SIK2: variants seen among roughly 807,000 people sequenced by gnomAD.
SIK2 encodes salt inducible kinase 2.
In SIK2, 29 loss-of-function variants were observed where a neutral mutation model predicts 103.2. The ratio of observed to expected loss-of-function variants is 0.28; its 90% confidence interval spans 0.21 to 0.38. The LOEUF (loss-of-function observed/expected upper bound fraction) is 0.38, where lower values mean the gene tolerates loss of function less well. Among genes scored for constraint, SIK2 ranks in the 10% least tolerant of loss-of-function variants. The pLI, the probability that SIK2 is intolerant of heterozygous loss-of-function variation, is 1.00. For synonymous variants in SIK2, 412 were observed against 446.1 expected (o/e 0.92, Z 0.96); for missense variants, 879 against 1,171.0 (o/e 0.75, Z 3.64).
intron 1 of SIK2, among the ~76,000 whole-genome samples, chr11:111,604,957 ATTTTT>A (rs11412519): frequency 7.5e-6 from 1 of 133,922 alleles, no homozygotes; most frequent in Non-Finnish European, 1.6e-5. Flanking sequence ...GTTGCTCTGA[ATTTTT>A]TTTTTTTTTT....
At chr11:111,608,089 C>T (rs1941672039) in intron 1 of SIK2, among the ~76,000 whole-genome samples, 1 of 152,106 alleles carries the variant, frequency 6.6e-6, no homozygotes, top group Non-Finnish European at 1.5e-5. Context: ...TACCTAGTAC[C>T]TCTTCTACCT....
At chr11:111,649,333 A>G (rs1034194579) in intron 3 of SIK2, among the ~76,000 whole-genome samples, 2 of 152,174 alleles carry the variant, frequency 1.3e-5, no homozygotes, top group African/African-American at 2.4e-5. Context: ...CTGTAAATAC[A>G]TGATAAATTA....
At position 111,602,759 on chromosome 11, in the gene SIK2, C is replaced by G; in HGVS notation, c.135+61C>G. The G allele has an allele frequency of 7.0e-7, 1 of 1,424,100 alleles. No individual in the cohort carries two copies. Among genetic ancestry groups the G allele is most frequent in the Non-Finnish European group, 9.2e-7 (1 of 1,090,252 alleles). The allele number at this position is 1,424,100 out of a possible 1,614,324, so 88.2% of individuals were successfully genotyped here. On this transcript the variant is annotated intron_variant, in intron 1 of 14. Transcript: ENST00000304987. The surrounding 1 kb of genome is among the most constrained non-coding windows in gnomAD (Gnocchi z 4.5). ...AGGGTTCGGGAGAGGAGCTGCTTAC[C>G]GAGAGGGGCGGCCGCAGTGGTGGGA...
intron 3 of SIK2, among the ~76,000 whole-genome samples, chr11:111,675,710 A>T (rs1942694445): frequency 6.6e-6 from 1 of 152,212 alleles, no homozygotes; most frequent in Non-Finnish European, 1.5e-5. Flanking sequence ...AGCACAGCTT[A>T]ATCTGTATTC....
intron 1 of SIK2, among the ~76,000 whole-genome samples, chr11:111,604,981 G>A (rs892143993): frequency 6.9e-6 from 1 of 145,018 alleles, no homozygotes; most frequent in African/African-American, 2.6e-5. Flanking sequence ...TTTTTGAGAC[G>A]GAGCCTCGCT....
Position 111,675,699 on chromosome 11 carries a change from T to C in SIK2, c.317-12302T>C, listed in dbSNP as rs116883221. On this transcript the variant is annotated intron_variant, in intron 3 of 14. Transcript: ENST00000304987. The stretch of plus-strand genomic sequence containing the variant: ...GCTTCATTGAAAAATTGTTCCTGCT[T>C]AGCACAGCTTAATCTGTATTCTTGG... Among the ~76,000 whole-genome samples the C allele has an allele frequency of 8.2e-3, 1,252 of 152,368 alleles. 11 individuals carry two copies. The highest frequency in any genetic ancestry group is 0.065 in the Middle Eastern group (19 of 294).
chr11:111,626,701 C>T (rs1295019810), intron 3 of SIK2, among the ~76,000 whole-genome samples: 1 of 75,092 alleles, frequency 1.3e-5, no homozygotes, highest in African/African-American at 4.2e-5. Context: ...TAGTAATGAC[C>T]ATTAACTACA....
chr11:111,713,931 C>A (rs1353935172), intron 9 of SIK2, among the ~76,000 whole-genome samples: 1 of 152,092 alleles, frequency 6.6e-6, no homozygotes, highest in Non-Finnish European at 1.5e-5. Flanking sequence ...CGTGCCATTG[C>A]ATGCCAGCCC....
rs147891354 is a variant in SIK2, at chr11:111,620,013, C to T, written c.253-326C>T. ...CTAGTACTTCTCAAACTTTAATGTA[C>T]ATAAAAATCACTTGGCAGTTTTGTT... is the stretch of plus-strand genomic sequence containing the variant. On this transcript the variant is annotated intron_variant, in intron 2 of 14. Coordinates refer to ENST00000304987, the MANE Select transcript of SIK2 (RefSeq NM_015191.3). Among the ~76,000 whole-genome samples the T allele has an allele frequency of 8.5e-5, 13 of 152,284 alleles. No homozygotes were observed. In the East Asian group the frequency reaches 2.5e-3, roughly 29 times the overall value.
chr11:111,730,779 T>C lies in SIK2; in HGVS notation c.*6650T>C, dbSNP rs1202238568. 3 of 152,322 alleles carry C rather than the reference T, an allele frequency of 2.0e-5. No homozygotes were observed. The highest frequency in any genetic ancestry group is 7.2e-5 in the African/African-American group (3 of 41,558). 9.4% of individuals were successfully genotyped at this position (152,322 alleles called of 1,614,324 possible). On this transcript the variant is annotated 3_prime_UTR_variant, in exon 15 of 15. Coordinates refer to ENST00000304987, the MANE Select transcript of SIK2 (RefSeq NM_015191.3). ...CCAAATAGTAATTTAAATGGGGTAA[T>C]TTTCTGCAAGGAAAATGTACTGTTT... is the stretch of plus-strand genomic sequence containing the variant.
At chr11:111,659,089 G>A (rs1416726196) in intron 3 of SIK2, among the ~76,000 whole-genome samples, 1 of 152,124 alleles carries the variant, frequency 6.6e-6, no homozygotes, top group Non-Finnish European at 1.5e-5. Flanking sequence ...TGGCCAGTTT[G>A]TGTGATACTG....
intron 3 of SIK2, among the ~76,000 whole-genome samples, chr11:111,644,792 T>C (rs1218684936): frequency 6.6e-6 from 1 of 152,244 alleles, no homozygotes; most frequent in Admixed American, 6.5e-5. Flanking sequence ...TGGAATCTCA[T>C]ATATAAGTTA....
intron 4 of SIK2, among the ~76,000 whole-genome samples, chr11:111,693,082 C>T (rs1361654761): frequency 6.6e-6 from 1 of 152,068 alleles, no homozygotes; most frequent in African/African-American, 2.4e-5. Flanking sequence ...GCCTGTAATC[C>T]CAGCACTTTG....
At chr11:111,638,654 T>C (rs1942141652) in intron 3 of SIK2, among the ~76,000 whole-genome samples, 1 of 152,110 alleles carries the variant, frequency 6.6e-6, no homozygotes, top group Non-Finnish European at 1.5e-5. Flanking sequence ...TGTGATATAG[T>C]CTCTTATCTC....
rs781242994 is a variant in SIK2, at chr11:111,723,869, C to G, written c.2521C>G (p.Pro841Ala). The stretch of plus-strand genomic sequence containing the variant: ...ACGACAGCCAGGAGCTGCCCCAGCC[C>G]CCTTACAGTTCTCCTATCAGACTTG... ...PPRQPGAAPA[P>A]LQFSYQTCEL... The change falls in exon 15 of 15, where the codon CCC becomes GCC. Residue 841 changes from proline to alanine, a missense_variant. Coordinates refer to ENST00000304987, the MANE Select transcript of SIK2 (RefSeq NM_015191.3). 5.0e-6 allele frequency: 8 copies of G among 1,613,658 alleles called. No individual in the cohort carries two copies. The South Asian group carries it at 5.5e-5, about 11-fold the overall frequency.
intron 4 of SIK2, among the ~76,000 whole-genome samples, chr11:111,692,248 G>A (rs1245237715): frequency 6.7e-6 from 1 of 150,100 alleles, no homozygotes; most frequent in African/African-American, 2.4e-5. Flanking sequence ...CTACTCCGGA[G>A]GCTGAGGCAG....
chr11:111,701,065 G>A lies in SIK2; in HGVS notation c.603+55G>A, dbSNP rs1230594521. 1 of 1,572,414 alleles carries A rather than the reference G, an allele frequency of 6.4e-7. No individual in the cohort carries two copies. The highest frequency in any genetic ancestry group is 8.6e-7 in the Non-Finnish European group (1 of 1,156,140). ...TGCATCTATACTGATAATACTTGGTGTTCTGGCCCATCTTAGAAGCTCCTG... is the reference window on the plus strand; with the variant it reads ...TGCATCTATACTGATAATACTTGGTATTCTGGCCCATCTTAGAAGCTCCTG... On this transcript the variant is annotated intron_variant, in intron 5 of 14. Coordinates refer to ENST00000304987, the MANE Select transcript of SIK2 (RefSeq NM_015191.3). The surrounding 1 kb of genome is among the most constrained non-coding windows in gnomAD (Gnocchi z 4.2).
At chr11:111,622,552 C>T (rs1357814644) in intron 3 of SIK2, among the ~76,000 whole-genome samples, 1 of 152,058 alleles carries the variant, frequency 6.6e-6, no homozygotes, top group African/African-American at 2.4e-5. Context: ...CCGCACCCGG[C>T]GTCTGAAGGA....
At chr11:111,630,500 A>ATC in intron 3 of SIK2, among the ~76,000 whole-genome samples, 1 of 152,192 alleles carries the variant, frequency 6.6e-6, no homozygotes, top group South Asian at 2.1e-4. Flanking sequence ...TCTCTCTCAA[A>ATC]AAAAAAAGGA....
Sources: allele counts gnomAD v4.1 joint callset (sites outside exome capture counted in the v4.1 genomes callset), GRCh38; gene constraint gnomAD v4.1.1; non-coding constraint Gnocchi (gnomAD v3.1); transcripts MANE v1.5; gene names NCBI Gene and HGNC (gene_info 2026-07-23, HGNC 2026-07-21).